GALNT18: variants seen among roughly 807,000 people sequenced by gnomAD.
GALNT18 encodes polypeptide N-acetylgalactosaminyltransferase 18, also known as GalNAc-transferase 18.
Under a neutral mutation model 69.5 loss-of-function variants are expected in GALNT18, and 44 were observed. That is an observed-to-expected ratio of 0.63 (90% CI 0.50 to 0.81). The LOEUF (loss-of-function observed/expected upper bound fraction) is 0.81, where lower values mean the gene tolerates loss of function less well. Among genes scored for constraint, GALNT18 ranks in the 40% least tolerant of loss-of-function variants. The probability of loss-of-function intolerance (pLI) is 0.00; values close to 1 mark genes in which losing one functional copy is unlikely to be tolerated. For synonymous variants in GALNT18, 364 were observed against 318.2 expected, an observed-to-expected ratio of 1.14 and a Z score of -1.53; for missense variants, 715 against 810.0, an observed-to-expected ratio of 0.88 and a Z score of 1.42.
chr11:11,590,237 C>A lies in GALNT18; in HGVS notation c.235+31122G>T, dbSNP rs936465143. ...TGTGGTGGAAATTAGGTGCTCCATG[C>A]GAGTCCTGGCTCATGGGCACCTCCA... On this transcript the variant is annotated intron_variant, in intron 1 of 10. Coordinates refer to ENST00000227756, the MANE Select transcript of GALNT18 (RefSeq NM_198516.3). This position sits in a 1 kb window ranked among gnomAD's most constrained non-coding sequence, Gnocchi z 4.4. 6.6e-6 allele frequency among the ~76,000 whole-genome samples: 1 copy of A among 152,186 alleles called. No individual in the cohort carries two copies. Among genetic ancestry groups the A allele is most frequent in the Non-Finnish European group, 1.5e-5 (1 of 68,040 alleles).
chr11:11,503,955 TA>T (rs1288341134), intron 1 of GALNT18, among the ~76,000 whole-genome samples: 1 of 152,230 alleles, frequency 6.6e-6, no homozygotes, highest in Non-Finnish European at 1.5e-5. Flanking sequence ...TACTGAATTC[TA>T]ACAGCAAAGG....
chr11:11,402,994 C>T lies in GALNT18; in HGVS notation c.596-23730G>A, dbSNP rs550218442. 6.6e-6 allele frequency among the ~76,000 whole-genome samples: 1 copy of T among 152,274 alleles called. No homozygotes were observed. Among genetic ancestry groups the T allele is most frequent in the South Asian group, 2.1e-4 (1 of 4,812 alleles). On this transcript the variant is annotated intron_variant, in intron 3 of 10. Transcript: ENST00000227756. The surrounding 1 kb of genome is among the most constrained non-coding windows in gnomAD (Gnocchi z 4.0). Reference sequence around the variant, plus strand: ...TCAGAACTGGGAAAGAAAAGTGATCCTTTAGGAAGAATCATGCTCTCCCCA... The same window carrying T: ...TCAGAACTGGGAAAGAAAAGTGATCTTTTAGGAAGAATCATGCTCTCCCCA...
rs937710020 is a variant in GALNT18 at position 11,590,169 on chromosome 11, C to T, written c.235+31190G>A. 2.6e-5 allele frequency among the ~76,000 whole-genome samples: 4 copies of T among 152,216 alleles called. No individual in the cohort carries two copies. Among genetic ancestry groups the T allele is most frequent in the African/African-American group, 9.7e-5 (4 of 41,448 alleles). Reference sequence around the variant, plus strand: ...AGGTAGACTACATTTCCCAGCTTCCCTTGCAGTCAGCGGCTGCTACATGGC... The same window carrying T: ...AGGTAGACTACATTTCCCAGCTTCCTTTGCAGTCAGCGGCTGCTACATGGC... On this transcript the variant is annotated intron_variant, in intron 1 of 10. Transcript: ENST00000227756. This position sits in a 1 kb window ranked among gnomAD's most constrained non-coding sequence, Gnocchi z 4.4.
chr11:11,530,944 G>T (rs1857632877), intron 1 of GALNT18, among the ~76,000 whole-genome samples: 2 of 152,160 alleles, frequency 1.3e-5, no homozygotes, highest in Admixed American at 6.5e-5. Context: ...GCCTCTGGGG[G>T]CCTCAAGGAG....
At chr11:11,528,351 A>G (rs1380551216) in intron 1 of GALNT18, among the ~76,000 whole-genome samples, 1 of 152,196 alleles carries the variant, frequency 6.6e-6, no homozygotes, top group Non-Finnish European at 1.5e-5. Flanking sequence ...GCGGTGTGGA[A>G]GAGTTTGGGC....
At chr11:11,566,571 T>C (rs1345616884) in intron 1 of GALNT18, among the ~76,000 whole-genome samples, 1 of 152,194 alleles carries the variant, frequency 6.6e-6, no homozygotes, top group Non-Finnish European at 1.5e-5. Flanking sequence ...GAGGGCTTAA[T>C]GGCTGTAACT....
At chr11:11,536,151 G>A (rs1857767854) in intron 1 of GALNT18, among the ~76,000 whole-genome samples, 1 of 152,082 alleles carries the variant, frequency 6.6e-6, no homozygotes, top group Non-Finnish European at 1.5e-5. Context: ...TCAAGACCTT[G>A]GGCTAAATTG....
In GALNT18 at chr11:11,343,575, C is replaced by T. The variant is rs147564685; in HGVS notation, c.1093-2571G>A. 7.9e-4 allele frequency among the ~76,000 whole-genome samples: 120 copies of T among 152,238 alleles called. 1 individual carries two copies. The highest frequency in any genetic ancestry group is 2.7e-3 in the African/African-American group (111 of 41,546). On this transcript the variant is annotated intron_variant, in intron 6 of 10. Coordinates refer to ENST00000227756, the MANE Select transcript of GALNT18 (RefSeq NM_198516.3). ...GTGAAGGCCCCAGGCTGTGCACCTC[C>T]ATTCCCAAGACCTGTACATTCTGGG...
At chr11:11,504,450 C>A (rs1260144101) in intron 1 of GALNT18, among the ~76,000 whole-genome samples, 1 of 143,916 alleles carries the variant, frequency 6.9e-6, no homozygotes, top group Non-Finnish European at 1.5e-5. Flanking sequence ...AAAAAAAAAA[C>A]TTGATCACAA....
chr11:11,427,237 G>A (rs1189788832), intron 3 of GALNT18, among the ~76,000 whole-genome samples: 1 of 152,226 alleles, frequency 6.6e-6, no homozygotes, highest in Non-Finnish European at 1.5e-5. Flanking sequence ...CTACATAACG[G>A]CCACTTACAG....
intron 7 of GALNT18, among the ~76,000 whole-genome samples, chr11:11,336,784 A>G (rs527777122): frequency 6.6e-6 from 1 of 152,350 alleles, no homozygotes; most frequent in South Asian, 2.1e-4. Context: ...TATCGTAAAC[A>G]CTGTGTATAC....
chr11:11,594,724 G>A (rs1859444551), intron 1 of GALNT18, among the ~76,000 whole-genome samples: 1 of 150,174 alleles, frequency 6.7e-6, no homozygotes, highest in Admixed American at 6.7e-5. Context: ...TAGACATTTG[G>A]ATTATTTTCA....
At chr11:11,306,925 G>A (rs1022014485) in intron 9 of GALNT18, among the ~76,000 whole-genome samples, 1 of 152,208 alleles carries the variant, frequency 6.6e-6, no homozygotes, top group Non-Finnish European at 1.5e-5. Context: ...ATGGGCACTC[G>A]TGCATTGGTG....
intron 10 of GALNT18, among the ~76,000 whole-genome samples, chr11:11,290,534 A>G (rs1036769746): frequency 1.3e-5 from 2 of 152,016 alleles, no homozygotes; most frequent in Non-Finnish European, 2.9e-5. Flanking sequence ...AGGATCGGCC[A>G]CCCCTGACTC....
At chr11:11,284,391 A>T (rs1849148709) in intron 10 of GALNT18, among the ~76,000 whole-genome samples, 1 of 152,130 alleles carries the variant, frequency 6.6e-6, no homozygotes, top group South Asian at 2.1e-4. Context: ...GGTCTGAGAT[A>T]AGGCCTGAAA....
intron 1 of GALNT18, among the ~76,000 whole-genome samples, chr11:11,594,856 T>TACAC: frequency 1.1e-5 from 1 of 87,596 alleles, no homozygotes. Flanking sequence ...TATACATACA[T>TACAC]ACACACACAT....
rs1020800574 is a variant in GALNT18, at chr11:11,404,678, C to G, written c.596-25414G>C. Among the ~76,000 whole-genome samples, 3 of 152,214 alleles carry G rather than the reference C, an allele frequency of 2.0e-5. No homozygotes were observed. Among genetic ancestry groups the G allele is most frequent in the African/African-American group, 7.2e-5 (3 of 41,454 alleles). ...CATATTCTCATTCAAATGGGACTCT[C>G]TCTGTCTCAACTCTCATTTCAACCT... On this transcript the variant is annotated intron_variant, in intron 3 of 10. Transcript: ENST00000227756. The surrounding 1 kb of genome is among the most constrained non-coding windows in gnomAD (Gnocchi z 4.5).
At chr11:11,427,130 C>T (rs1855149867) in intron 3 of GALNT18, among the ~76,000 whole-genome samples, 1 of 152,166 alleles carries the variant, frequency 6.6e-6, no homozygotes, top group African/African-American at 2.4e-5. Flanking sequence ...GAGACTGCTG[C>T]AGCAGAGTGA....
At chr11:11,334,860 C>T (rs1341887745) in intron 7 of GALNT18, among the ~76,000 whole-genome samples, 1 of 152,164 alleles carries the variant, frequency 6.6e-6, no homozygotes, top group Non-Finnish European at 1.5e-5. Flanking sequence ...GCATGAGCTA[C>T]TCTGCTGGGT....
Sources: allele counts gnomAD v4.1 joint callset (sites outside exome capture counted in the v4.1 genomes callset), GRCh38; gene constraint gnomAD v4.1.1; non-coding constraint Gnocchi (gnomAD v3.1); transcripts MANE v1.5; gene names NCBI Gene and HGNC (gene_info 2026-07-23, HGNC 2026-07-21).